Variants in GRIN2B observed in about 807,000 individuals in gnomAD.
GRIN2B encodes glutamate receptor ionotropic, NMDA 2B.
A neutral mutation model predicts 114.5 loss-of-function variants in GRIN2B; 5 were observed. The observed-to-expected ratio is 0.04, with a 90% CI of 0.02 to 0.09. The LOEUF (loss-of-function observed/expected upper bound fraction) is 0.09. GRIN2B is among the 10% of genes least tolerant of loss of function. The pLI is 1.00. For missense variants in GRIN2B, 1,108 were observed against 1,943.5 expected (o/e 0.57, Z 8.08); for synonymous variants, 787 against 745.1 (o/e 1.06, Z -0.92).
intron 2 of GRIN2B, among the ~76,000 whole-genome samples, chr12:13,875,567 C>T (rs191502545): frequency 1.3e-5 from 2 of 151,940 alleles, no homozygotes; most frequent in East Asian, 3.9e-4. Flanking sequence ...ATGTAGGTGT[C>T]GAAGAAGGCT....
chr12:13,764,790 G>A (rs1863748367), intron 3 of GRIN2B, among the ~76,000 whole-genome samples: 1 of 152,200 alleles, frequency 6.6e-6, no homozygotes, highest in Non-Finnish European at 1.5e-5. Flanking sequence ...GCAAGAAAGA[G>A]GTCCTTGAAA....
At chr12:13,853,039 A>G (rs1865599044) in intron 3 of GRIN2B, among the ~76,000 whole-genome samples, 1 of 152,144 alleles carries the variant, frequency 6.6e-6, no homozygotes, top group Non-Finnish European at 1.5e-5. Flanking sequence ...CTCTCTGCCA[A>G]AATGCTGCCC....
intron 5 of GRIN2B, among the ~76,000 whole-genome samples, chr12:13,652,684 G>A (rs990936364): frequency 6.6e-6 from 1 of 152,132 alleles, no homozygotes; most frequent in African/African-American, 2.4e-5. Context: ...AATCACCAAT[G>A]TCTCTTTCAG....
chr12:13,840,434 C>T (rs1021418839), intron 3 of GRIN2B, among the ~76,000 whole-genome samples: 1 of 152,094 alleles, frequency 6.6e-6, no homozygotes, highest in Admixed American at 6.6e-5. Flanking sequence ...GACAAAGATA[C>T]CTGATTTAGA....
At chr12:13,705,888 A>C (rs10845826) in intron 4 of GRIN2B, among the ~76,000 whole-genome samples, 93,322 of 151,930 alleles carry the variant, frequency 0.61, 28,903 homozygotes, top group African/African-American at 0.66. Flanking sequence ...GCTTCACATT[A>C]ATGAAGGGTT....
At chr12:13,719,148 C>T (rs1317180596) in intron 4 of GRIN2B, among the ~76,000 whole-genome samples, 2 of 152,048 alleles carry the variant, frequency 1.3e-5, no homozygotes, top group Admixed American at 6.6e-5. Flanking sequence ...GGATGACCTA[C>T]ACCTGGTATC....
chr12:13,786,151 C>T (rs770768722), intron 3 of GRIN2B, among the ~76,000 whole-genome samples: 4 of 152,120 alleles, frequency 2.6e-5, no homozygotes, highest in South Asian at 2.1e-4. Flanking sequence ...CAGTAAAGAA[C>T]GCCTCGACTA....
chr12:13,901,590 G>A (rs981538729), intron 2 of GRIN2B, among the ~76,000 whole-genome samples: 2 of 152,020 alleles, frequency 1.3e-5, no homozygotes, highest in African/African-American at 2.4e-5. Flanking sequence ...ATAGGCGTAT[G>A]TAATACTGGC....
At chr12:13,965,073 G>A (rs1414907277) in intron 2 of GRIN2B, among the ~76,000 whole-genome samples, 2 of 152,080 alleles carry the variant, frequency 1.3e-5, no homozygotes, top group Non-Finnish European at 2.9e-5. Flanking sequence ...CATTTTCCCT[G>A]TTTAGAAAGT....
intron 3 of GRIN2B, among the ~76,000 whole-genome samples, chr12:13,819,331 G>A (rs1440561002): frequency 6.6e-6 from 1 of 152,072 alleles, no homozygotes; most frequent in Non-Finnish European, 1.5e-5. Context: ...CCACATCTGT[G>A]GTATTTTGTT....
chr12:13,746,597 T>C (rs1863387745), intron 4 of GRIN2B, among the ~76,000 whole-genome samples: 1 of 152,148 alleles, frequency 6.6e-6, no homozygotes, highest in Non-Finnish European at 1.5e-5. Context: ...CCCTGCCCTC[T>C]CCTCCAAATC....
intron 5 of GRIN2B, among the ~76,000 whole-genome samples, chr12:13,647,175 A>G (rs890213342): frequency 6.6e-6 from 1 of 152,144 alleles, no homozygotes; most frequent in African/African-American, 2.4e-5. Flanking sequence ...TGACCCCCAG[A>G]AACTGTGATA....
intron 5 of GRIN2B, among the ~76,000 whole-genome samples, chr12:13,653,667 A>G (rs1949838797): frequency 1.3e-5 from 2 of 152,152 alleles, no homozygotes; most frequent in Non-Finnish European, 2.9e-5. Flanking sequence ...ACAAATTTAC[A>G]CATAAGAAAT....
intron 2 of GRIN2B, among the ~76,000 whole-genome samples, chr12:13,893,889 C>T (rs553103813): frequency 2.6e-5 from 4 of 151,962 alleles, no homozygotes; most frequent in African/African-American, 9.6e-5. Flanking sequence ...ATTATGTTCA[C>T]AACTATAATA....
At chr12:13,918,279 C>T (rs778072427) in intron 2 of GRIN2B, among the ~76,000 whole-genome samples, 3 of 152,178 alleles carry the variant, frequency 2.0e-5, no homozygotes, top group African/African-American at 4.8e-5. Flanking sequence ...GTGGCACATG[C>T]CTGCAGTCCT....
intron 4 of GRIN2B, among the ~76,000 whole-genome samples, chr12:13,697,919 C>T (rs1287775579): frequency 6.6e-6 from 1 of 152,168 alleles, no homozygotes; most frequent in Non-Finnish European, 1.5e-5. Flanking sequence ...GCAACTTGCA[C>T]CAAAGTCACA....
chr12:13,943,730 T>A (rs772119813), intron 2 of GRIN2B, among the ~76,000 whole-genome samples: 5 of 152,214 alleles, frequency 3.3e-5, no homozygotes, highest in Admixed American at 6.5e-5. Context: ...AATGTCACCT[T>A]ATCCAAAAGG....
chr12:13,598,435 C>T (rs980251689), intron 10 of GRIN2B, among the ~76,000 whole-genome samples: 11 of 152,172 alleles, frequency 7.2e-5, no homozygotes, highest in Admixed American at 7.2e-4. Flanking sequence ...TATGGCCCAC[C>T]AGCCAGGGAC....
At chr12:13,801,498 C>T (rs1358372903) in intron 3 of GRIN2B, among the ~76,000 whole-genome samples, 1 of 152,124 alleles carries the variant, frequency 6.6e-6, no homozygotes, top group Admixed American at 6.6e-5. Context: ...GACAGAGAAA[C>T]TTGTACTGTC....
Sources: allele counts gnomAD v4.1 joint callset (sites outside exome capture counted in the v4.1 genomes callset), GRCh38; gene constraint gnomAD v4.1.1; transcripts MANE v1.5; gene names NCBI Gene and HGNC (gene_info 2026-07-23, HGNC 2026-07-21).